TXN: variants seen among roughly 807,000 people sequenced by gnomAD.
TXN encodes the protein ADF.
Under a neutral mutation model 16.5 loss-of-function variants are expected in TXN, and 10 were observed. The ratio of observed to expected loss-of-function variants is 0.61; its 90% CI spans 0.37 to 1.03. TXN has a LOEUF of 1.03. Ranked by LOEUF, TXN falls within the 50% of genes least tolerant of loss-of-function variation. The pLI is 0.01. For missense variants in TXN, 71 were observed against 122.5 expected (o/e 0.58, Z 1.98); for synonymous variants, 35 against 39.4 (o/e 0.89, Z 0.42).
Position 110,245,654 on chromosome 9 carries a change from ATTTTTT to A in TXN, c.190-817_190-812del, listed in dbSNP as rs1228829953. Among the ~76,000 whole-genome samples, 153 of 21,746 alleles carry A rather than the reference ATTTTTT, an allele frequency of 7.0e-3. 2 individuals carry two copies. Among genetic ancestry groups the A allele is most frequent in the Admixed American group, 0.016 (20 of 1,260 alleles). 14.3% of individuals were successfully genotyped at this position (21,746 alleles called of 152,430 possible). On this transcript the variant is annotated intron_variant, in intron 3 of 4. Transcript: ENST00000374517. ...TATATATATATATATATATATATATATTTTTTTTTTTTTTTTTTTATAGGGACAAGG... is the reference window on the plus strand; with the variant it reads ...TATATATATATATATATATATATATATTTTTTTTTTTTTATAGGGACAAGG...
At chr9:110,247,514 C>G (rs1447475018) in intron 3 of TXN, among the ~76,000 whole-genome samples, 2 of 152,202 alleles carry the variant, frequency 1.3e-5, no homozygotes, top group East Asian at 3.9e-4. Context: ...TGAAAAATTC[C>G]TCTCACCTAG....
chr9:110,252,842 G>A (rs561045139), intron 1 of TXN, among the ~76,000 whole-genome samples: 2 of 151,944 alleles, frequency 1.3e-5, no homozygotes, highest in East Asian at 1.9e-4. Flanking sequence ...ACAGAGTTTC[G>A]CCATGTTGAC....
rs1490898352 is a variant in TXN, at chr9:110,245,645, TATATATATA to T, written c.190-811_190-803del. On this transcript the variant is annotated intron_variant, in intron 3 of 4. Transcript: ENST00000374517. ...ATATATATATATATATATATATATA[TATATATATA>T]TTTTTTTTTTTTTTTTTTTATAGGG... Among the ~76,000 whole-genome samples the T allele has an allele frequency of 2.7e-3, 90 of 33,416 alleles. 1 individual carries two copies. The highest frequency in any genetic ancestry group is 3.4e-3 in the Non-Finnish European group (66 of 19,558). The allele number at this position is 33,416 out of a possible 152,430, so 21.9% of individuals were successfully genotyped here.
In TXN at chr9:110,244,145, C is replaced by A; in HGVS notation, c.*12G>T. The A allele has an allele frequency of 6.6e-7, 1 of 1,524,598 alleles. No individual in the cohort carries two copies. Among genetic ancestry groups the A allele is most frequent in the Admixed American group, 2.2e-5 (1 of 45,532 alleles). 94.4% of individuals were successfully genotyped at this position (1,524,598 alleles called of 1,614,324 possible). On this transcript the variant is annotated 3_prime_UTR_variant, in exon 5 of 5. Coordinates refer to ENST00000374517, the MANE Select transcript of TXN (RefSeq NM_003329.4). ...AATAGCCAATGGCTGGTTATATTTT[C>A]AGAAAACATGATTAGACTAATTCAT...
chr9:110,244,354 G>GTATATGTATATA (rs1837621975), intron 4 of TXN, 135 bp from the exon 5 acceptor site: 1 of 185,390 alleles, frequency 5.4e-6, no homozygotes, highest in African/African-American at 3.4e-5. Context: ...TATGTATTCA[G>GTATATGTATATA]CATAGAATGA....
At chr9:110,245,347 A>C (rs1406200993) in intron 3 of TXN, among the ~76,000 whole-genome samples, 1 of 151,878 alleles carries the variant, frequency 6.6e-6, no homozygotes, top group Non-Finnish European at 1.5e-5. Context: ...AAAAATAAAA[A>C]TCAATTGTTC....
At chr9:110,247,948 G>A (rs971320797) in intron 3 of TXN, among the ~76,000 whole-genome samples, 18 of 152,244 alleles carry the variant, frequency 1.2e-4, no homozygotes, top group Middle Eastern at 3.4e-3. Context: ...GGGAGACAGT[G>A]ATACTGATGA....
In TXN at chr9:110,256,377, G is replaced by A. The variant is rs1471754409; in HGVS notation, c.24+35C>T. ...TCCCCAGTTACAGAGGCCGCGCGCG[G>A]CGCCGGCACCCTGGCCTTCCCCGGT... On this transcript the variant is annotated intron_variant, in intron 1 of 4. Transcript: ENST00000374517. This position sits in a 1 kb window ranked among gnomAD's most constrained non-coding sequence, Gnocchi z 4.2. The A allele has an allele frequency of 1.3e-6, 2 of 1,597,794 alleles. No homozygotes were observed. Among genetic ancestry groups the A allele is most frequent in the Admixed American group, 3.4e-5 (2 of 58,102 alleles).
At chr9:110,247,621 C>A (rs970906579) in intron 3 of TXN, among the ~76,000 whole-genome samples, 4 of 152,146 alleles carry the variant, frequency 2.6e-5, no homozygotes, top group Non-Finnish European at 4.4e-5. Context: ...GCTTTACCTG[C>A]GGAATAGCCA....
rs10980287 is a variant in TXN at position 110,252,205 on chromosome 9, T to G, written c.25-743A>C. Among the ~76,000 whole-genome samples the G allele has an allele frequency of 2.6e-5, 3 of 117,272 alleles. No homozygotes were observed. The South Asian group carries it at 8.1e-4, about 31-fold the overall frequency. The allele number at this position is 117,272 out of a possible 152,430, so 76.9% of individuals were successfully genotyped here. A position where few individuals can be genotyped will look rare whatever the true frequency, so the allele number is the denominator to read the frequency against. ...TGCCACTGCACTCCATCCTGGGCAATAGACGGAGACTCTGTCGCAAAAAAA... is the reference window on the plus strand; with the variant it reads ...TGCCACTGCACTCCATCCTGGGCAAGAGACGGAGACTCTGTCGCAAAAAAA... On this transcript the variant is annotated intron_variant, in intron 1 of 4. Coordinates refer to ENST00000374517, the MANE Select transcript of TXN (RefSeq NM_003329.4).
At chr9:110,244,930 T>A (rs577565355) in intron 3 of TXN, 87 bp from the exon 4 acceptor site, 1 of 1,074,610 alleles carries the variant, frequency 9.3e-7, no homozygotes, top group African/African-American at 1.5e-5. Flanking sequence ...ACCAGAAACT[T>A]TTCCCTGTCA....
At chr9:110,252,239 A>AAT (rs1837750320) in intron 1 of TXN, among the ~76,000 whole-genome samples, 1 of 150,508 alleles carries the variant, frequency 6.6e-6, no homozygotes. Context: ...AAAAAAAAAA[A>AAT]AAAAAAGCTA....
chr9:110,246,207 C>T (rs768040156), intron 3 of TXN, among the ~76,000 whole-genome samples: 1 of 152,130 alleles, frequency 6.6e-6, no homozygotes, highest in Non-Finnish European at 1.5e-5. Flanking sequence ...GATGCTCTAA[C>T]CTTTGAAAGC....
intron 3 of TXN, among the ~76,000 whole-genome samples, chr9:110,245,931 G>A (rs1233785101): frequency 1.3e-5 from 2 of 151,930 alleles, no homozygotes; most frequent in African/African-American, 4.8e-5. Context: ...CAGGTGTGGT[G>A]GCACACATCT....
Position 110,256,507 on chromosome 9 carries a change from C to A in TXN, c.-72G>T. On this transcript the variant is annotated 5_prime_UTR_variant, in exon 1 of 5. Transcript: ENST00000374517. This position sits in a 1 kb window ranked among gnomAD's most constrained non-coding sequence, Gnocchi z 4.2. Reference sequence around the variant, plus strand: ...GGATCCAAAGCACCAAACAGAGCTTCAAGACTCGCTGCTTGCTCTCTCCCT... The same window carrying A: ...GGATCCAAAGCACCAAACAGAGCTTAAAGACTCGCTGCTTGCTCTCTCCCT... 6.6e-7 allele frequency: 1 copy of A among 1,518,732 alleles called. No homozygotes were observed. Among genetic ancestry groups the A allele is most frequent in the Middle Eastern group, 1.7e-4 (1 of 5,894 alleles). The allele number at this position is 1,518,732 out of a possible 1,614,324, so 94.1% of individuals were successfully genotyped here.
chr9:110,251,305 A>G (rs897689772), intron 2 of TXN, 53 bp downstream of exon 2: 25 of 1,347,998 alleles, frequency 1.9e-5, no homozygotes, highest in Non-Finnish European at 2.4e-5. Flanking sequence ...CACTGTGACC[A>G]CCAACTCAAA....
At chr9:110,252,401 G>A (rs4135190) in intron 1 of TXN, among the ~76,000 whole-genome samples, 1,605 of 151,998 alleles carry the variant, frequency 0.011, 34 homozygotes, top group African/African-American at 0.037. Context: ...GAGATCACAC[G>A]TTTACCAACC....
At position 110,256,484 on chromosome 9, in the gene TXN, A is replaced by T. The variant is rs762764853; in HGVS notation, c.-49T>A. 36 of 1,584,146 alleles carry T rather than the reference A, an allele frequency of 2.3e-5. 1 individual carries two copies. Among genetic ancestry groups the T allele is most frequent in the African/African-American group, 5.4e-5 (4 of 73,810 alleles). ...CGGCTGTAAGGACCGATGGAAATGG[A>T]TCCAAAGCACCAAACAGAGCTTCAA... On this transcript the variant is annotated 5_prime_UTR_variant, in exon 1 of 5. Transcript: ENST00000374517. This position sits in a 1 kb window ranked among gnomAD's most constrained non-coding sequence, Gnocchi z 4.2.
chr9:110,252,137 T>G (rs186088435), intron 1 of TXN, among the ~76,000 whole-genome samples: 1 of 145,640 alleles, frequency 6.9e-6, no homozygotes, highest in African/African-American at 2.5e-5. Context: ...GGCAGGAGAA[T>G]AGCTTGAACT....
Sources: allele counts gnomAD v4.1 joint callset (sites outside exome capture counted in the v4.1 genomes callset), GRCh38; gene constraint gnomAD v4.1.1; non-coding constraint Gnocchi (gnomAD v3.1); transcripts MANE v1.5; gene names NCBI Gene and HGNC (gene_info 2026-07-23, HGNC 2026-07-21).